Variants in EEF1D observed in about 807,000 individuals in gnomAD.
EEF1D encodes the protein elongation factor 1-delta.
In EEF1D, 47 loss-of-function variants were observed where a neutral mutation model predicts 63.9. The observed-to-expected ratio is 0.74, with a 90% confidence interval of 0.58 to 0.94. The LOEUF is 0.94. Ranked by LOEUF, EEF1D falls within the 40% of genes least tolerant of loss-of-function variation. The probability of loss-of-function intolerance (pLI) is 0.00; values close to 1 mark genes in which losing one functional copy is unlikely to be tolerated. For missense variants in EEF1D, 907 were observed against 899.0 expected (o/e 1.01, Z -0.11); for synonymous variants, 412 against 386.1 (o/e 1.07, Z -0.79).
At position 143,590,028 on chromosome 8, in the gene EEF1D, G is replaced by C; in HGVS notation, c.54C>G (p.His18Gln). 3 of 1,599,148 alleles carry C rather than the reference G, an allele frequency of 1.9e-6. No individual in the cohort carries two copies. The highest frequency in any genetic ancestry group is 2.5e-6 in the Non-Finnish European group (3 of 1,179,860). ...AGCGCCGCTCGGCCTCCTCATACTT[G>C]TGCTTGTCTTCCCACACGGTCTCCA... Reference protein sequence around the residue: ...CTLETVWEDKHKYEEAERRFY... With the variant: ...CTLETVWEDKQKYEEAERRFY... Residue 18 changes from histidine (H) to glutamine (Q), a missense_variant, in exon 3 of 10, where the codon CAC (histidine) becomes CAG (glutamine). His to Gln is a conservative substitution (Grantham distance 24). Transcript: ENST00000618139.
At chr8:143,585,436 A>T (rs560253059) in intron 5 of EEF1D, among the ~76,000 whole-genome samples, 1 of 152,332 alleles carries the variant, frequency 6.6e-6, no homozygotes, top group African/African-American at 2.4e-5. Context: ...GACCTTGCTG[A>T]CACTGGGGAC....
At chr8:143,579,986 C>G (rs1825026142) in intron 9 of EEF1D, 26 bp downstream of exon 9, 1 of 1,606,480 alleles carries the variant, frequency 6.2e-7, no homozygotes, top group Non-Finnish European at 8.5e-7. Context: ...CTCCTCTCCC[C>G]TCCTCTCCCC....
chr8:143,580,423 C>G (rs968199432), intron 8 of EEF1D, 83 bp downstream of exon 8: 19 of 1,485,602 alleles, frequency 1.3e-5, no homozygotes, highest in Non-Finnish European at 1.7e-5. Context: ...ACCCAGAGGG[C>G]AGGGGGAGGG....
intron 5 of EEF1D, among the ~76,000 whole-genome samples, chr8:143,584,579 C>G (rs1297040941): frequency 6.6e-6 from 1 of 151,860 alleles, no homozygotes; most frequent in Admixed American, 6.6e-5. Context: ...ACTCACCCAC[C>G]CCCTCCAAAA....
intron 2 of EEF1D, chr8:143,590,927 G>A (rs60401352): frequency 0.071 from 10,824 of 152,364 alleles, 409 homozygotes; most frequent in South Asian, 0.15. Context: ...GAGCTTCTTT[G>A]TGGGCCTGAC....
rs145452552 is a variant in EEF1D, at chr8:143,586,083, C to G, written c.1287+136G>C. On this transcript the variant is annotated intron_variant, in intron 5 of 9. Coordinates refer to ENST00000618139, the MANE Select transcript of EEF1D (RefSeq NM_001130053.5). The stretch of plus-strand genomic sequence containing the variant: ...CGGGCATGGAGGTCACAGAGCCACA[C>G]GTCCCAAGGAGCACAGCGCCGTGCA... The G allele has an allele frequency of 3.2e-4, 219 of 675,644 alleles. No homozygotes were observed. In the African/African-American group the frequency reaches 3.9e-3, roughly 12 times the overall value. The allele number at this position is 675,644 out of a possible 1,614,324, so 41.9% of individuals were successfully genotyped here. A position where few individuals can be genotyped will look rare whatever the true frequency, so the allele number is the denominator to read the frequency against.
In EEF1D at chr8:143,587,047, A is replaced by G. The variant is rs991447756; in HGVS notation, c.1092-195T>C. 8 of 652,756 alleles carry G rather than the reference A, an allele frequency of 1.2e-5. No individual in the cohort carries two copies. The African/African-American group carries it at 1.5e-4, about 12-fold the overall frequency. 40.4% of individuals were successfully genotyped at this position (652,756 alleles called of 1,614,324 possible). A position where few individuals can be genotyped will look rare whatever the true frequency, so the allele number is the denominator to read the frequency against. On this transcript the variant is annotated intron_variant, in intron 3 of 9. Transcript: ENST00000618139. ...CTGTCTTCCAGACGAGGAGTTCTCA[A>G]AGTGTGGTCCGAGAACCTCTGAGGG...
chr8:143,589,337 C>A lies in EEF1D; in HGVS notation c.745G>T (p.Ala249Ser). The part of the protein sequence containing the change: ...YDAAERGFYE[A>S]LFDGHPPGKV... ...CCTGGGGGATGGCCGTCAAACAGGGCCTCGTAGAAGCCCCTCTCGGCTGCA... is the reference window on the plus strand; with the variant it reads ...CCTGGGGGATGGCCGTCAAACAGGGACTCGTAGAAGCCCCTCTCGGCTGCA... The change falls in exon 3 of 10, where the codon GCC becomes TCC. Residue 249 changes from alanine to serine, a missense_variant. Physicochemically the swap from Ala to Ser is moderately conservative, Grantham distance 99 (BLOSUM62 1). Coordinates refer to ENST00000618139, the MANE Select transcript of EEF1D (RefSeq NM_001130053.5). 2 of 1,582,772 alleles carry A rather than the reference C, an allele frequency of 1.3e-6. No homozygotes were observed. Among genetic ancestry groups the A allele is most frequent in the Non-Finnish European group, 1.7e-6 (2 of 1,163,594 alleles).
intron 1 of EEF1D, among the ~76,000 whole-genome samples, chr8:143,594,990 C>A (rs1264978301): frequency 6.6e-6 from 1 of 152,218 alleles, no homozygotes; most frequent in African/African-American, 2.4e-5. Context: ...ACTGCAACCT[C>A]CAACTCCCCG....
Position 143,581,052 on chromosome 8 carries a change from A to G in EEF1D, c.1488+2T>C. ...AGTGTCAGGCGTGGGGAGAGCATTC[A>G]CCTGGGTCTGTGGGGCCGTGGCCCG... is the stretch of plus-strand genomic sequence containing the variant. On this transcript the variant is annotated splice_donor_variant, in intron 7 of 9. Coordinates refer to ENST00000618139, the MANE Select transcript of EEF1D (RefSeq NM_001130053.5). LOFTEE classifies it high-confidence loss of function. The G allele has an allele frequency of 6.2e-7, 1 of 1,611,408 alleles. No individual in the cohort carries two copies. The highest frequency in any genetic ancestry group is 8.5e-7 in the Non-Finnish European group (1 of 1,179,852).
chr8:143,589,360 G>A lies in EEF1D; in HGVS notation c.722C>T (p.Ala241Val), dbSNP rs1422180703. 4 of 1,565,928 alleles carry A rather than the reference G, an allele frequency of 2.6e-6. No homozygotes were observed. Among genetic ancestry groups the A allele is most frequent in the Admixed American group, 1.8e-5 (1 of 54,906 alleles). The change falls in exon 3 of 10, where the codon GCA becomes GTA. Residue 241 changes from alanine (A) to valine (V), a missense_variant. Transcript: ENST00000618139. ...GGCCTCGTAGAAGCCCCTCTCGGCT[G>A]CATCATACCGGGGCTTCTCCAGCCA... The part of the protein sequence containing the change: ...EVWLEKPRYD[A>V]AERGFYEALF...
intron 3 of EEF1D, among the ~76,000 whole-genome samples, chr8:143,588,279 G>A (rs1034979715): frequency 6.6e-6 from 1 of 152,160 alleles, no homozygotes; most frequent in Non-Finnish European, 1.5e-5. Flanking sequence ...CCACCACCAG[G>A]ACACCCTCGC....
At position 143,580,571 on chromosome 8, in the gene EEF1D, C is replaced by T. The variant is rs142439099; in HGVS notation, c.1645G>A (p.Ala549Thr). ...GCAGGCTTCTTGGCCTTCTTCTCCG[C>T]GTACTGCCGTAGCCGCTCCTCCCGC... is the stretch of plus-strand genomic sequence containing the variant. ...QLREERLRQY[A>T]EKKAKKPALV... is the part of the protein sequence containing the mutation. The change falls in exon 8 of 10, where the codon GCG becomes ACG. Residue 549 changes from alanine (A) to threonine (T), a missense_variant. By Grantham distance (58) the Ala-to-Thr change is moderately conservative. Coordinates refer to ENST00000618139, the MANE Select transcript of EEF1D (RefSeq NM_001130053.5). 1.3e-5 allele frequency: 21 copies of T among 1,613,272 alleles called. No homozygotes were observed. Among genetic ancestry groups the T allele is most frequent in the East Asian group, 2.2e-5 (1 of 44,898 alleles).
intron 1 of EEF1D, chr8:143,595,941 C>A (rs1212212036): frequency 1.3e-5 from 2 of 152,338 alleles, no homozygotes; most frequent in African/African-American, 2.4e-5. Flanking sequence ...GCTTCCAACA[C>A]GCTGATGTCA....
chr8:143,580,176 C>G lies in EEF1D; in HGVS notation c.1741G>C (p.Glu581Gln). The G allele has an allele frequency of 1.2e-6, 2 of 1,613,726 alleles. No homozygotes were observed. The highest frequency in any genetic ancestry group is 1.7e-6 in the Non-Finnish European group (2 of 1,179,990). Residue 581 changes from glutamate to glutamine, a missense_variant, in exon 9 of 10, where the codon GAG becomes CAG. Coordinates refer to ENST00000618139, the MANE Select transcript of EEF1D (RefSeq NM_001130053.5). ...AGCTGGATAGAGCGCACACAGGCCT[C>G]CAGCTGGGCCATGTCCGTCTCATCA... Reference protein sequence around the residue: ...WDDETDMAQLEACVRSIQLDG... With the variant: ...WDDETDMAQLQACVRSIQLDG...
chr8:143,586,772 A>G lies in EEF1D; in HGVS notation c.1172T>C (p.Phe391Ser), dbSNP rs758822182. The G allele has an allele frequency of 5.6e-6, 9 of 1,614,146 alleles. No homozygotes were observed. The highest frequency in any genetic ancestry group is 7.6e-6 in the Non-Finnish European group (9 of 1,180,016). The change falls in exon 4 of 10, where the codon TTC (phenylalanine) becomes TCC (serine). Residue 391 changes from phenylalanine to serine, a missense_variant. Coordinates refer to ENST00000618139, the MANE Select transcript of EEF1D (RefSeq NM_001130053.5). ...KFKYDDAERR[F>S]YEQMNGPVAG... ...CACAGGCCCGTTCATCTGCTCGTAG[A>G]ATCTCCTTTCTGCGTCGTCATATTT...
In EEF1D at chr8:143,589,267, C is replaced by T. The variant is rs776128120; in HGVS notation, c.815G>A (p.Arg272Gln). The T allele has an allele frequency of 4.1e-5, 65 of 1,586,930 alleles. No individual in the cohort carries two copies. Among genetic ancestry groups the T allele is most frequent in the Non-Finnish European group, 4.5e-5 (53 of 1,165,726 alleles). Residue 272 changes from arginine (R) to glutamine (Q), a missense_variant, in exon 3 of 10, where the codon CGG becomes CAG. Transcript: ENST00000618139. ...GCCCCGCCGGTCTCTGCGGCCCCGCCGGGCACCCTCGGCCAGGCCGGCTCG... is the reference window on the plus strand; with the variant it reads ...GCCCCGCCGGTCTCTGCGGCCCCGCTGGGCACCCTCGGCCAGGCCGGCTCG... ...QERAGLAEGARRGRRDRRGRN... is the reference protein window; with the variant it reads ...QERAGLAEGAQRGRRDRRGRN...
chr8:143,587,115 G>C (rs1402282118), intron 3 of EEF1D: 1 of 320,212 alleles, frequency 3.1e-6, no homozygotes, highest in African/African-American at 2.2e-5. Flanking sequence ...CTGGGTTTAT[G>C]TCAAACAGCT....
chr8:143,581,053 C>G lies in EEF1D; in HGVS notation c.1488+1G>C. The G allele has an allele frequency of 6.2e-7, 1 of 1,611,542 alleles. No individual in the cohort carries two copies. ...GTGTCAGGCGTGGGGAGAGCATTCA[C>G]CTGGGTCTGTGGGGCCGTGGCCCGG... On this transcript the variant is annotated splice_donor_variant, in intron 7 of 9. Coordinates refer to ENST00000618139, the MANE Select transcript of EEF1D (RefSeq NM_001130053.5). LOFTEE classifies it high-confidence loss of function.
Sources: allele counts gnomAD v4.1 joint callset (sites outside exome capture counted in the v4.1 genomes callset), GRCh38; gene constraint gnomAD v4.1.1; transcripts MANE v1.5; gene names NCBI Gene and HGNC (gene_info 2026-07-23, HGNC 2026-07-21).